Variants in FRMD6 observed in about 807,000 individuals in gnomAD.
FRMD6 encodes FERM domain containing 6, also known as FERM domain-containing protein 6.
Under a neutral mutation model 73.2 loss-of-function variants are expected in FRMD6, and 37 were observed. The observed-to-expected ratio is 0.51, with a 90% CI of 0.39 to 0.66. The LOEUF (loss-of-function observed/expected upper bound fraction) is 0.66, where lower values mean the gene tolerates loss of function less well. Ranked by LOEUF, FRMD6 falls within the 30% of genes least tolerant of loss-of-function variation. FRMD6 has a pLI of 0.00. For missense variants in FRMD6, 714 were observed against 780.5 expected, an observed-to-expected ratio of 0.91 and a Z score of 1.02; for synonymous variants, 273 against 282.2, an observed-to-expected ratio of 0.97 and a Z score of 0.33.
At chr14:51,469,871 T>G in the FRMD6 span, among the ~76,000 whole-genome samples, 3 of 152,160 alleles carry the variant, frequency 2.0e-5, no homozygotes, top group Non-Finnish European at 4.4e-5. Flanking sequence ...TTGATTCACC[T>G]TTCTATGGAA....
intron 1 of FRMD6, among the ~76,000 whole-genome samples, chr14:51,498,806 G>C (rs1040881516): frequency 6.6e-6 from 1 of 152,174 alleles, no homozygotes; most frequent in Admixed American, 6.5e-5. Flanking sequence ...CATGGATCCT[G>C]GGAGGCATGA....
the FRMD6 span, among the ~76,000 whole-genome samples, chr14:51,398,858 G>T: frequency 6.6e-6 from 1 of 152,056 alleles, no homozygotes; most frequent in Non-Finnish European, 1.5e-5. Flanking sequence ...CAAAGAGAGT[G>T]CCCCAAACCT....
chr14:51,419,219 G>T, the FRMD6 span, among the ~76,000 whole-genome samples: 2 of 152,194 alleles, frequency 1.3e-5, no homozygotes, highest in Admixed American at 6.5e-5. Context: ...AGACGAACCA[G>T]GTACCTCAGT....
At chr14:51,427,286 T>C in the FRMD6 span, among the ~76,000 whole-genome samples, 3 of 152,328 alleles carry the variant, frequency 2.0e-5, no homozygotes, top group African/African-American at 4.8e-5. Flanking sequence ...CTGCCATGCA[T>C]GCAGGAGGAG....
At chr14:51,598,269 A>G (rs10152024) in intron 2 of FRMD6, among the ~76,000 whole-genome samples, 3,380 of 152,276 alleles carry the variant, frequency 0.022, 134 homozygotes, top group African/African-American at 0.078. Flanking sequence ...TGGTCCCAAG[A>G]GCCAAACCTC....
Position 51,689,761 on chromosome 14 carries a change from CT to C in FRMD6, c.-73del. On this transcript the variant is annotated 5_prime_UTR_variant, in exon 2 of 14. The change creates a premature stop within an existing upstream ORF in the 5' untranslated region. Transcript: ENST00000344768. ...GCGTGTGATGAGGAGGCGAGCTTGGCTTTGGAGTGCTGGGAACCTGAGGAAT... is the reference window on the plus strand; with the variant it reads ...GCGTGTGATGAGGAGGCGAGCTTGGCTTGGAGTGCTGGGAACCTGAGGAAT... 1 of 852,254 alleles carries C rather than the reference CT, an allele frequency of 1.2e-6. No homozygotes were observed. The highest frequency in any genetic ancestry group is 2.1e-6 in the Non-Finnish European group (1 of 487,320). 52.8% of individuals were successfully genotyped at this position (852,254 alleles called of 1,614,324 possible). A position where few individuals can be genotyped will look rare whatever the true frequency, so the allele number is the denominator to read the frequency against.
intron 1 of FRMD6, among the ~76,000 whole-genome samples, chr14:51,498,536 T>C (rs1883431505): frequency 6.6e-6 from 1 of 152,242 alleles, no homozygotes; most frequent in African/African-American, 2.4e-5. Context: ...TGGTATTACC[T>C]GGGCTTATGC....
chr14:51,443,719 C>T, the FRMD6 span, among the ~76,000 whole-genome samples: 19 of 152,230 alleles, frequency 1.2e-4, no homozygotes, highest in South Asian at 8.3e-4. Context: ...CAAGAGAAAT[C>T]GTACAAAAGA....
chr14:51,568,668 A>G (rs1423514512), intron 1 of FRMD6, among the ~76,000 whole-genome samples: 1 of 152,192 alleles, frequency 6.6e-6, no homozygotes, highest in African/African-American at 2.4e-5. Flanking sequence ...GTGAAGGAGA[A>G]GTATGGAAAC....
intron 1 of FRMD6, among the ~76,000 whole-genome samples, chr14:51,673,980 G>C (rs1021217350): frequency 3.9e-5 from 6 of 152,120 alleles, no homozygotes; most frequent in Admixed American, 1.3e-4. Context: ...TATTATACAT[G>C]GAAGCTTAGG....
chr14:51,563,840 C>G lies in FRMD6; in HGVS notation c.-209-6508C>G, dbSNP rs79340773. ...AGCTTGGAAAGTCCATTTTTATTCA[C>G]TGATAGTAAGGTTTCTAACTGTACA... On this transcript the variant is annotated intron_variant, in intron 1 of 14. Transcript: ENST00000356218. Among the ~76,000 whole-genome samples the G allele has an allele frequency of 5.6e-3, 854 of 152,266 alleles. 21 individuals are homozygous for G. Among genetic ancestry groups the G allele is most frequent in the East Asian group, 0.049 (254 of 5,180 alleles).
At chr14:51,440,435 T>C in the FRMD6 span, among the ~76,000 whole-genome samples, 1 of 152,206 alleles carries the variant, frequency 6.6e-6, no homozygotes, top group Non-Finnish European at 1.5e-5. Flanking sequence ...TATGTAAAGC[T>C]GGAATGGTGG....
chr14:51,726,329 C>T (rs560633009), intron 13 of FRMD6, among the ~76,000 whole-genome samples: 30 of 152,244 alleles, frequency 2.0e-4, no homozygotes, highest in Non-Finnish European at 3.8e-4. Context: ...ATTAAATGTC[C>T]AGCAATATAG....
At chr14:51,721,181 C>G (rs964149799) in intron 11 of FRMD6, among the ~76,000 whole-genome samples, 7 of 152,204 alleles carry the variant, frequency 4.6e-5, no homozygotes, top group African/African-American at 1.7e-4. Flanking sequence ...GCTTTGGTAT[C>G]AGGCAAAGGG....
chr14:51,643,526 A>C (rs1891907229), intron 2 of FRMD6: 1 of 152,224 alleles, frequency 6.6e-6, no homozygotes, highest in African/African-American at 2.4e-5. Context: ...GATTGTTAAG[A>C]AAGCTGGATT....
the FRMD6 span, among the ~76,000 whole-genome samples, chr14:51,460,481 C>T: frequency 6.6e-6 from 1 of 152,194 alleles, no homozygotes; most frequent in African/African-American, 2.4e-5. Context: ...TACTGACTCC[C>T]TCTGTGCATA....
At chr14:51,722,618 G>C (rs967100866) in intron 12 of FRMD6, among the ~76,000 whole-genome samples, 1 of 152,116 alleles carries the variant, frequency 6.6e-6, no homozygotes, top group African/African-American at 2.4e-5. Context: ...ATGAATTCCT[G>C]TAGAAAACAT....
At chr14:51,549,054 G>C (rs1186695534) in intron 1 of FRMD6, among the ~76,000 whole-genome samples, 3 of 152,192 alleles carry the variant, frequency 2.0e-5, no homozygotes, top group African/African-American at 7.2e-5. Context: ...AGTTATGATT[G>C]CCAGAAAGTC....
chr14:51,679,971 G>A (rs1322316154), intron 1 of FRMD6, among the ~76,000 whole-genome samples: 3 of 152,182 alleles, frequency 2.0e-5, no homozygotes, highest in African/African-American at 7.2e-5. Flanking sequence ...GAAGAAGGGG[G>A]AAGGGTTGAG....
Sources: allele counts gnomAD v4.1 joint callset (sites outside exome capture counted in the v4.1 genomes callset), GRCh38; gene constraint gnomAD v4.1.1; transcripts MANE v1.5; gene names NCBI Gene and HGNC (gene_info 2026-07-23, HGNC 2026-07-21).